Variants in APC2 observed in about 807,000 individuals in gnomAD.
The protein encoded by APC2 is adenomatous polyposis coli protein 2.
APC2 carries 41 observed loss-of-function variants against 72.5 expected under a neutral mutation model. The observed-to-expected ratio is 0.57, with a 90% CI of 0.44 to 0.73. The LOEUF is 0.73. Among genes scored for constraint, APC2 ranks in the 30% least tolerant of loss-of-function variants. The pLI is 0.00. For synonymous variants in APC2, 1,898 were observed against 1,612.0 expected (o/e 1.18, Z -4.25); for missense variants, 3,729 against 3,403.4 (o/e 1.10, Z -2.38).
chr19:1,467,245 T>G lies in APC2; in HGVS notation c.3944T>G (p.Phe1315Cys). 1.5e-6 allele frequency: 2 copies of G among 1,330,748 alleles called. No homozygotes were observed. Among genetic ancestry groups the G allele is most frequent in the Non-Finnish European group, 9.6e-7 (1 of 1,046,286 alleles). 82.4% of individuals were successfully genotyped at this position (1,330,748 alleles called of 1,614,324 possible). ...GGGAGGAGLH[F>C]AGHRRREEGP... ...GGCGCCGGGGGCGCCGGCCTCCACT[T>G]TGCAGGGCACCGGCGGCGGGAGGAG... The change falls in exon 15 of 15, where the codon TTT becomes TGT. Residue 1315 changes from phenylalanine (F) to cysteine (C), a missense_variant. Coordinates refer to ENST00000590469, the MANE Select transcript of APC2 (RefSeq NM_005883.3).
At chr19:1,448,404 G>A (rs1306771890), upstream of APC2, among the ~76,000 whole-genome samples, 1 of 152,002 alleles carries the variant, frequency 6.6e-6, no homozygotes, top group African/African-American at 2.4e-5. Flanking sequence ...AAAATTAGCT[G>A]GCAAGGTGGT....
chr19:1,462,031 G>A lies in APC2; in HGVS notation c.1707G>A (p.Ala569=), dbSNP rs376388515. ...CTGCACACAGCACAGAGAACAAGGC[G>A]GCCATCTGCCAGGTGGATGGCGCCC... The part of the protein sequence containing the change: ...NLSAHSTENK[A]AICQVDGALG... The change falls in exon 14 of 15, where the codon GCG becomes GCA. Residue 569 remains alanine, a synonymous_variant. Transcript: ENST00000590469. 14 of 1,612,860 alleles carry A rather than the reference G, an allele frequency of 8.7e-6. No homozygotes were observed. The African/African-American group carries it at 1.1e-4, about 12-fold the overall frequency.
At position 1,455,144 on chromosome 19, in the gene APC2, C is replaced by G; in HGVS notation, c.414-5C>G. ...TGAGCCCGCCCCCGCTGACTTGCTC[C>G]CCAGGTGTTTCCTGCTGAATGAGAT... is the stretch of plus-strand genomic sequence containing the variant. On this transcript the variant is annotated splice_region_variant and splice_polypyrimidine_tract_variant and intron_variant, in intron 4 of 14. Transcript: ENST00000590469. 6.4e-7 allele frequency: 1 copy of G among 1,566,470 alleles called. No individual in the cohort carries two copies. Among genetic ancestry groups the G allele is most frequent in the Non-Finnish European group, 8.6e-7 (1 of 1,165,200 alleles).
chr19:1,457,487 TC>T lies in APC2; in HGVS notation c.1207+245del, dbSNP rs148166703. ...AATGCATGGATGGATCGTGGGTAAC[TC>T]TGGAAAGTTGGGTGCAGACTTTGAG... On this transcript the variant is annotated intron_variant, in intron 9 of 14. Transcript: ENST00000590469. 1.7e-3 allele frequency: 998 copies of T among 576,784 alleles called. 8 individuals are homozygous for T. The highest frequency in any genetic ancestry group is 0.017 in the African/African-American group (850 of 50,882). The allele number at this position is 576,784 out of a possible 1,614,324, so 35.7% of individuals were successfully genotyped here. A position where few individuals can be genotyped will look rare whatever the true frequency, so the allele number is the denominator to read the frequency against.
At chr19:1,461,179 T>C in intron 13 of APC2, 26 bp downstream of exon 13, 1 of 1,584,354 alleles carries the variant, frequency 6.3e-7, no homozygotes, top group Middle Eastern at 1.7e-4. Context: ...GCGGCAGGGA[T>C]GCTTCTTCAG....
At position 1,468,174 on chromosome 19, in the gene APC2, G is replaced by T. The variant is rs923953881; in HGVS notation, c.4873G>T (p.Ala1625Ser). 8.3e-6 allele frequency: 12 copies of T among 1,452,308 alleles called. No homozygotes were observed. Among genetic ancestry groups the T allele is most frequent in the Non-Finnish European group, 1.1e-5 (12 of 1,111,578 alleles). The allele number at this position is 1,452,308 out of a possible 1,614,324, so 90.0% of individuals were successfully genotyped here. ...GRDSSPSPRA[A>S]EELLQRCISS... The stretch of plus-strand genomic sequence containing the variant: ...CGACAGCTCGCCCAGCCCGCGGGCC[G>T]CGGAGGAGCTTCTGCAGCGGTGCAT... Residue 1625 changes from alanine (A) to serine (S), a missense_variant, in exon 15 of 15, where the codon GCG becomes TCG. By Grantham distance (99) the Ala-to-Ser change is moderately conservative. Coordinates refer to ENST00000590469, the MANE Select transcript of APC2 (RefSeq NM_005883.3).
At position 1,468,687 on chromosome 19, in the gene APC2, G is replaced by C. The variant is rs905976085; in HGVS notation, c.5386G>C (p.Val1796Leu). ...AVLRGRTVIY[V>L]PSPAPRAQPK... Reference sequence around the variant, plus strand: ...GCTCCGGGGACGAACAGTGATCTACGTCCCCAGCCCGGCACCCCGTGCCCA... The same window carrying C: ...GCTCCGGGGACGAACAGTGATCTACCTCCCCAGCCCGGCACCCCGTGCCCA... The change falls in exon 15 of 15, where the codon GTC becomes CTC. Residue 1796 changes from valine to leucine, a missense_variant. By Grantham distance (32) the Val-to-Leu change is conservative. Transcript: ENST00000590469. 3 of 1,559,438 alleles carry C rather than the reference G, an allele frequency of 1.9e-6. No individual in the cohort carries two copies. The highest frequency in any genetic ancestry group is 2.7e-5 in the African/African-American group (2 of 73,356).
At chr19:1,462,719 C>T (rs569696709) in intron 14 of APC2, among the ~76,000 whole-genome samples, 17 of 150,490 alleles carry the variant, frequency 1.1e-4, no homozygotes, top group Admixed American at 9.2e-4. Context: ...ACCTGTAATC[C>T]CAGCACTTTG....
At chr19:1,455,984 A>G in intron 6 of APC2, 92 bp from the exon 7 acceptor site, 1 of 901,894 alleles carries the variant, frequency 1.1e-6, no homozygotes, top group Non-Finnish European at 1.4e-6. Context: ...AGGCGGGGTC[A>G]GAGCCCAGGG....
chr19:1,469,692 G>A lies in APC2; in HGVS notation c.6391G>A (p.Gly2131Arg). Residue 2131 changes from glycine (G) to arginine (R), a missense_variant, in exon 15 of 15, where the codon GGG (glycine) becomes AGG (arginine). Physicochemically the swap from Gly to Arg is moderately radical, Grantham distance 125 (BLOSUM62 -2). Transcript: ENST00000590469. ...SADAARRSSDGEPRPLPRVAA... is the reference protein window; with the variant it reads ...SADAARRSSDREPRPLPRVAA... The stretch of plus-strand genomic sequence containing the variant: ...CGACGCCGCGCGCCGCAGCAGCGAC[G>A]GGGAGCCCCGGCCGCTCCCCAGGGT... The A allele has an allele frequency of 2.2e-6, 3 of 1,338,022 alleles. No homozygotes were observed. The highest frequency in any genetic ancestry group is 1.9e-6 in the Non-Finnish European group (2 of 1,050,698). The allele number at this position is 1,338,022 out of a possible 1,614,324, so 82.9% of individuals were successfully genotyped here. A position where few individuals can be genotyped will look rare whatever the true frequency, so the allele number is the denominator to read the frequency against.
At chr19:1,457,335 T>G in intron 9 of APC2, 92 bp downstream of exon 9, 1 of 1,433,068 alleles carries the variant, frequency 7.0e-7, no homozygotes, top group Non-Finnish European at 9.1e-7. Flanking sequence ...CAGCCTTTGC[T>G]GCCTGCCTTC....
Position 1,457,901 on chromosome 19 carries a change from C to A in APC2, c.1208-64C>A, listed in dbSNP as rs987883589. ...GCCTGGGGCGGGCGGGTTGCGGGACCTTCGGGAGTCACCTGGGACATTTCC... is the reference window on the plus strand; with the variant it reads ...GCCTGGGGCGGGCGGGTTGCGGGACATTCGGGAGTCACCTGGGACATTTCC... On this transcript the variant is annotated intron_variant, in intron 9 of 14. Coordinates refer to ENST00000590469, the MANE Select transcript of APC2 (RefSeq NM_005883.3). 6 of 889,630 alleles carry A rather than the reference C, an allele frequency of 6.7e-6. No homozygotes were observed. In the African/African-American group the frequency reaches 1.5e-4, roughly 22 times the overall value. The allele number at this position is 889,630 out of a possible 1,614,324, so 55.1% of individuals were successfully genotyped here.
At chr19:1,456,225 C>G in intron 7 of APC2, 72 bp downstream of exon 7, 1 of 1,548,868 alleles carries the variant, frequency 6.5e-7, no homozygotes, top group Non-Finnish European at 8.7e-7. Flanking sequence ...TCGAGTTCTG[C>G]CCGCCCCCGC....
intron 9 of APC2, 178 bp from the exon 10 acceptor site, chr19:1,457,787 G>A: frequency 3.2e-6 from 2 of 629,782 alleles, no homozygotes; most frequent in Non-Finnish European, 5.7e-6. Context: ...GGCTGAGTGA[G>A]AGAGGCCACC....
At position 1,452,863 on chromosome 19, in the gene APC2, AC is replaced by A. The variant is rs148977773; in HGVS notation, c.-18-113del. 14,575 of 1,229,252 alleles carry A rather than the reference AC, an allele frequency of 0.012. 108 individuals are homozygous for A. The highest frequency in any genetic ancestry group is 0.014 in the Non-Finnish European group (12,686 of 905,202). The allele number at this position is 1,229,252 out of a possible 1,614,324, so 76.1% of individuals were successfully genotyped here. On this transcript the variant is annotated intron_variant, in intron 1 of 14. Coordinates refer to ENST00000590469, the MANE Select transcript of APC2 (RefSeq NM_005883.3). This position sits in a 1 kb window ranked among gnomAD's most constrained non-coding sequence, Gnocchi z 5.1. ...TCCACACCAGTGACTCCTGCCTGAG[AC>A]CCCCCCCAACCCAGGATCAGGCAGG...
At position 1,469,006 on chromosome 19, in the gene APC2, G is replaced by A; in HGVS notation, c.5705G>A (p.Gly1902Asp). ...PVTQAAGALPGPGASPVPKTP... is the reference protein window; with the variant it reads ...PVTQAAGALPDPGASPVPKTP... ...ACCCAGGCTGCTGGGGCCCTGCCCG[G>A]CCCCGGAGCCTCCCCGGTGCCCAAA... Residue 1902 changes from glycine to aspartate, a missense_variant, in exon 15 of 15, where the codon GGC becomes GAC. Coordinates refer to ENST00000590469, the MANE Select transcript of APC2 (RefSeq NM_005883.3). 2 of 1,554,100 alleles carry A rather than the reference G, an allele frequency of 1.3e-6. No homozygotes were observed. Among genetic ancestry groups the A allele is most frequent in the Non-Finnish European group, 8.7e-7 (1 of 1,153,922 alleles).
At position 1,470,173 on chromosome 19, in the gene APC2, A is replaced by ACC; in HGVS notation, c.6872_6873insCC (p.Glu2291AspfsTer45). On this transcript the variant is annotated frameshift_variant, in exon 15 of 15. Transcript: ENST00000590469. LOFTEE classifies it high-confidence loss of function. ...GCAGCCACCACCGACTCGGCCGCGG[A>ACC]GAAAGCCCCGGCCACTGCCTCCGCC... 1 of 1,602,048 alleles carries ACC rather than the reference A, an allele frequency of 6.2e-7. No individual in the cohort carries two copies. Among genetic ancestry groups the ACC allele is most frequent in the Non-Finnish European group, 8.5e-7 (1 of 1,176,548 alleles).
chr19:1,457,207 C>G lies in APC2; in HGVS notation c.1171C>G (p.Arg391Gly). The G allele has an allele frequency of 3.2e-6, 5 of 1,551,368 alleles. No homozygotes were observed. Among genetic ancestry groups the G allele is most frequent in the South Asian group, 1.2e-5 (1 of 84,132 alleles). The change falls in exon 9 of 15, where the codon CGA becomes GGA. Residue 391 changes from arginine to glycine, a missense_variant. Arg to Gly is a moderately radical substitution (Grantham distance 125, BLOSUM62 -2). Transcript: ENST00000590469. ...GACCTGCTGGGACTGGCTGCAGGCCCGAGACGGCGGGCCCGAGGGAGGTGG... is the reference window on the plus strand; with the variant it reads ...GACCTGCTGGGACTGGCTGCAGGCCGGAGACGGCGGGCCCGAGGGAGGTGG... Reference protein sequence around the residue: ...CETCWDWLQARDGGPEGGGAG... With the variant: ...CETCWDWLQAGDGGPEGGGAG...
chr19:1,455,027 A>T, intron 4 of APC2, 122 bp from the exon 5 acceptor site: 1 of 312,322 alleles, frequency 3.2e-6, no homozygotes, highest in Non-Finnish European at 5.8e-6. Context: ...GCCACGGGAG[A>T]GACCTTGCCA....
Sources: allele counts gnomAD v4.1 joint callset (sites outside exome capture counted in the v4.1 genomes callset), GRCh38; gene constraint gnomAD v4.1.1; non-coding constraint Gnocchi (gnomAD v3.1); transcripts MANE v1.5; gene names NCBI Gene and HGNC (gene_info 2026-07-23, HGNC 2026-07-21).